The following RCAN2 variants were observed in gnomAD, a reference collection of about 807,000 sequenced individuals.
The protein encoded by RCAN2 is regulator of calcineurin 2.
RCAN2 carries 9 observed loss-of-function variants against 23.6 expected under a neutral mutation model. The ratio of observed to expected loss-of-function variants is 0.38; its 90% CI spans 0.23 to 0.67. The LOEUF is 0.67. Ranked by LOEUF, RCAN2 falls within the 30% of genes least tolerant of loss-of-function variation. RCAN2 has a pLI of 0.51. For missense variants in RCAN2, 273 were observed against 302.3 expected (o/e 0.90, Z 0.72); for synonymous variants, 109 against 115.7 (o/e 0.94, Z 0.37).
intron 2 of RCAN2, among the ~76,000 whole-genome samples, chr6:46,418,580 G>A (rs1163654163): frequency 1.3e-5 from 2 of 151,756 alleles, no homozygotes; most frequent in Non-Finnish European, 2.9e-5. Context: ...CTCTACAGGT[G>A]GAACTAGTCA....
chr6:46,281,133 A>G (rs1234408121), intron 2 of RCAN2, among the ~76,000 whole-genome samples: 3 of 152,126 alleles, frequency 2.0e-5, no homozygotes, highest in Non-Finnish European at 4.4e-5. Flanking sequence ...GAGGGGGAGA[A>G]GAAAAGTCAG....
At chr6:46,285,504 G>T (rs1187305524) in intron 2 of RCAN2, among the ~76,000 whole-genome samples, 1 of 152,194 alleles carries the variant, frequency 6.6e-6, no homozygotes, top group Non-Finnish European at 1.5e-5. Context: ...CTGGGATGAG[G>T]CCCAGATGCA....
intron 2 of RCAN2, among the ~76,000 whole-genome samples, chr6:46,297,496 G>A (rs1320370818): frequency 1.3e-5 from 2 of 152,136 alleles, no homozygotes; most frequent in African/African-American, 4.8e-5. Context: ...GTCCGGGTGG[G>A]TAGAATAGAC....
At chr6:46,384,647 T>C (rs1765695503) in intron 2 of RCAN2, among the ~76,000 whole-genome samples, 2 of 152,206 alleles carry the variant, frequency 1.3e-5, no homozygotes, top group African/African-American at 2.4e-5. Flanking sequence ...GCTAAAATGC[T>C]GAACAAATGG....
chr6:46,222,806 A>G lies in RCAN2; in HGVS notation c.*335T>C. On this transcript the variant is annotated 3_prime_UTR_variant, in exon 5 of 5. Coordinates refer to ENST00000371374, the MANE Select transcript of RCAN2 (RefSeq NM_001251974.2). ...CACACACATCAGGACTGGGACTGAA[A>G]CAGCTCACAAACAACACAGGTGCTA... The G allele has an allele frequency of 3.8e-6, 1 of 259,908 alleles. No homozygotes were observed. The allele number at this position is 259,908 out of a possible 1,614,324, so 16.1% of individuals were successfully genotyped here.
chr6:46,363,690 C>T (rs1765081985), intron 2 of RCAN2, among the ~76,000 whole-genome samples: 1 of 151,966 alleles, frequency 6.6e-6, no homozygotes, highest in Non-Finnish European at 1.5e-5. Flanking sequence ...TTAATTTTGG[C>T]ATTCGTTTCT....
At chr6:46,482,953 T>C (rs181454776) in intron 1 of RCAN2, among the ~76,000 whole-genome samples, 1 of 152,350 alleles carries the variant, frequency 6.6e-6, no homozygotes, top group Admixed American at 6.5e-5. Flanking sequence ...TTGGGCATTC[T>C]ACTTTTGGAG....
intron 1 of RCAN2, among the ~76,000 whole-genome samples, chr6:46,463,173 C>A (rs796534119): frequency 7.9e-5 from 12 of 152,260 alleles, no homozygotes; most frequent in African/African-American, 2.9e-4. Context: ...TACAGAAACA[C>A]TGAGTCTTTC....
In RCAN2 at chr6:46,400,780, T is replaced by C. The variant is rs552135544; in HGVS notation, c.225+55972A>G. ...ACTGCCCCACAGCAGCAGGGTAAAATGGTGGTGCCATTTGTAGCCCTAACA... is the reference window on the plus strand; with the variant it reads ...ACTGCCCCACAGCAGCAGGGTAAAACGGTGGTGCCATTTGTAGCCCTAACA... On this transcript the variant is annotated intron_variant, in intron 2 of 4. Coordinates refer to ENST00000371374, the MANE Select transcript of RCAN2 (RefSeq NM_001251974.2). Among the ~76,000 whole-genome samples, 75 of 152,236 alleles carry C rather than the reference T, an allele frequency of 4.9e-4. 1 individual carries two copies. The South Asian group carries it at 0.015, about 29-fold the overall frequency.
intron 2 of RCAN2, among the ~76,000 whole-genome samples, chr6:46,407,050 AACTGAGACTCTT>A (rs1254494913): frequency 6.6e-6 from 1 of 152,208 alleles, no homozygotes; most frequent in African/African-American, 2.4e-5. Flanking sequence ...TGGGGCATGG[AACTGAGACTCTT>A]ACTGTGCCCC....
intron 2 of RCAN2, among the ~76,000 whole-genome samples, chr6:46,427,993 A>G (rs530397370): frequency 4.6e-5 from 7 of 152,054 alleles, no homozygotes; most frequent in African/African-American, 1.4e-4. Flanking sequence ...CTACAGGATG[A>G]ATCTGTGAGG....
At chr6:46,465,672 A>G (rs954534634) in intron 1 of RCAN2, among the ~76,000 whole-genome samples, 3 of 152,156 alleles carry the variant, frequency 2.0e-5, no homozygotes, top group Non-Finnish European at 2.9e-5. Flanking sequence ...TCTTTCTCTG[A>G]TCTCCTGCTG....
chr6:46,284,798 C>A (rs538295189), intron 2 of RCAN2, among the ~76,000 whole-genome samples: 3 of 151,800 alleles, frequency 2.0e-5, no homozygotes, highest in Non-Finnish European at 4.4e-5. Flanking sequence ...GACACAGTTC[C>A]TTTTTCCTGT....
intron 1 of RCAN2, among the ~76,000 whole-genome samples, chr6:46,482,008 G>A (rs757582119): frequency 2.7e-4 from 41 of 151,950 alleles, no homozygotes; most frequent in Non-Finnish European, 5.6e-4. Context: ...GCATAATTTT[G>A]ATACTTTGGA....
At chr6:46,314,383 A>G (rs1763361154) in intron 2 of RCAN2, among the ~76,000 whole-genome samples, 1 of 150,698 alleles carries the variant, frequency 6.6e-6, no homozygotes, top group South Asian at 2.1e-4. Context: ...AAAAAAAGAA[A>G]AGAAAAAAAA....
At chr6:46,244,111 T>C (rs1270196974) in intron 4 of RCAN2, among the ~76,000 whole-genome samples, 1 of 152,168 alleles carries the variant, frequency 6.6e-6, no homozygotes, top group African/African-American at 2.4e-5. Context: ...CTGTGTTTAT[T>C]ACAAAGCAGG....
At chr6:46,334,169 C>G (rs1764070054) in intron 2 of RCAN2, among the ~76,000 whole-genome samples, 1 of 152,230 alleles carries the variant, frequency 6.6e-6, no homozygotes, top group African/African-American at 2.4e-5. Context: ...AGGTAGCACT[C>G]CTTTCACTAT....
chr6:46,316,301 T>C (rs1467772629), intron 2 of RCAN2, among the ~76,000 whole-genome samples: 1 of 152,200 alleles, frequency 6.6e-6, no homozygotes, highest in Non-Finnish European at 1.5e-5. Context: ...TCTAATGCAT[T>C]TAGCCATCAC....
chr6:46,311,298 C>A (rs1225062108), intron 2 of RCAN2, among the ~76,000 whole-genome samples: 1 of 152,166 alleles, frequency 6.6e-6, no homozygotes, highest in Non-Finnish European at 1.5e-5. Context: ...TCTGTTGCAT[C>A]TAAAAGGGTT....
Sources: allele counts gnomAD v4.1 joint callset (sites outside exome capture counted in the v4.1 genomes callset), GRCh38; gene constraint gnomAD v4.1.1; transcripts MANE v1.5; gene names NCBI Gene and HGNC (gene_info 2026-07-23, HGNC 2026-07-21).